Variants in PDGFRL observed in about 807,000 individuals in gnomAD.
The protein encoded by PDGFRL is platelet-derived growth factor receptor-like protein.
In PDGFRL, 46 loss-of-function variants were observed where a neutral mutation model predicts 37.2. The observed-to-expected ratio is 1.24, with a 90% CI of 0.98 to 1.58. The LOEUF (loss-of-function observed/expected upper bound fraction) is 1.58. Among genes scored for constraint, PDGFRL ranks in the 40% most tolerant of loss-of-function variants. The probability of loss-of-function intolerance (pLI) is 0.00; values close to 1 mark genes in which losing one functional copy is unlikely to be tolerated. For synonymous variants in PDGFRL, 251 were observed against 184.3 expected, an observed-to-expected ratio of 1.36 and a Z score of -2.93; for missense variants, 692 against 467.6, an observed-to-expected ratio of 1.48 and a Z score of -4.43.
chr8:17,609,651 A>T (rs965478605), intron 2 of PDGFRL, among the ~76,000 whole-genome samples: 2 of 143,242 alleles, frequency 1.4e-5, no homozygotes, highest in East Asian at 4.1e-4. Context: ...AAAAAAAAAA[A>T]AAAAAAAAAA....
intron 2 of PDGFRL, among the ~76,000 whole-genome samples, chr8:17,590,888 A>ATTTTTTTTT (rs71729974): frequency 1.4e-5 from 2 of 143,082 alleles, no homozygotes; most frequent in African/African-American, 2.6e-5. Flanking sequence ...ATTATTATTA[A>ATTTTTTTTT]TTTTTTTTTT....
chr8:17,612,238 C>T (rs527904364), intron 2 of PDGFRL, among the ~76,000 whole-genome samples: 1 of 152,368 alleles, frequency 6.6e-6, no homozygotes, highest in African/African-American at 2.4e-5. Context: ...TTTAAATACA[C>T]ATGAGCCCTT....
At chr8:17,597,301 A>G (rs2517162) in intron 2 of PDGFRL, among the ~76,000 whole-genome samples, 144,975 of 152,278 alleles carry the variant, frequency 0.95, 69,415 homozygotes, top group East Asian at 1. Flanking sequence ...GATTTCAGGC[A>G]TGAGCCTCCT....
chr8:17,609,109 T>C (rs1400032286), intron 2 of PDGFRL, among the ~76,000 whole-genome samples: 1 of 152,158 alleles, frequency 6.6e-6, no homozygotes, highest in African/African-American at 2.4e-5. Context: ...TGGTCCTGGC[T>C]GCTTGGGAGG....
At chr8:17,593,191 G>A (rs1011747986) in intron 2 of PDGFRL, among the ~76,000 whole-genome samples, 1 of 152,054 alleles carries the variant, frequency 6.6e-6, no homozygotes, top group Non-Finnish European at 1.5e-5. Flanking sequence ...CACTTGAAGT[G>A]CGTAAGGGGG....
chr8:17,636,257 T>G (rs1439447779), intron 5 of PDGFRL, among the ~76,000 whole-genome samples: 1 of 152,240 alleles, frequency 6.6e-6, no homozygotes, highest in Admixed American at 6.5e-5. Context: ...GTCTTAGATT[T>G]AAGTATTTGA....
At chr8:17,629,913 C>T (rs1454311225) in intron 4 of PDGFRL, among the ~76,000 whole-genome samples, 1 of 152,174 alleles carries the variant, frequency 6.6e-6, no homozygotes, top group East Asian at 1.9e-4. Context: ...GCCCTCCCCA[C>T]CCATGAGGCT....
chr8:17,595,400 C>T (rs1804030259), intron 2 of PDGFRL, among the ~76,000 whole-genome samples: 1 of 152,174 alleles, frequency 6.6e-6, no homozygotes, highest in African/African-American at 2.4e-5. Flanking sequence ...GGAGGACCCT[C>T]CTGTTCTCGG....
intron 5 of PDGFRL, among the ~76,000 whole-genome samples, chr8:17,636,572 T>C (rs936716463): frequency 7.4e-6 from 1 of 135,044 alleles, no homozygotes; most frequent in African/African-American, 2.8e-5. Context: ...TTTTTTTTTT[T>C]GCTTAGTCTT....
chr8:17,596,374 G>C, intron 2 of PDGFRL: 1 of 1,177,172 alleles, frequency 8.5e-7, no homozygotes. Context: ...GACCGGCCCT[G>C]CCTCCAATAC....
chr8:17,621,695 T>A (rs942224934), intron 3 of PDGFRL, among the ~76,000 whole-genome samples: 1 of 152,228 alleles, frequency 6.6e-6, no homozygotes, highest in East Asian at 1.9e-4. Flanking sequence ...AGAGAGAACA[T>A]TCCCTTTATC....
chr8:17,588,322 G>T (rs1179963031), intron 1 of PDGFRL, among the ~76,000 whole-genome samples: 1 of 151,988 alleles, frequency 6.6e-6, no homozygotes, highest in African/African-American at 2.4e-5. Context: ...CCTAGACATC[G>T]CCAGCCCCTG....
At chr8:17,590,515 T>C (rs146706528) in intron 2 of PDGFRL, among the ~76,000 whole-genome samples, 1 of 151,882 alleles carries the variant, frequency 6.6e-6, no homozygotes, top group African/African-American at 2.4e-5. Flanking sequence ...AGTTGGAGAT[T>C]AGCCTGGCCA....
intron 2 of PDGFRL, chr8:17,596,507 C>G: frequency 2.7e-6 from 1 of 365,610 alleles, no homozygotes; most frequent in East Asian, 4.0e-5. Context: ...CACAAAGCAT[C>G]TTAAGCTTAG....
intron 3 of PDGFRL, among the ~76,000 whole-genome samples, chr8:17,624,017 T>C (rs1053774747): frequency 6.6e-6 from 1 of 152,094 alleles, no homozygotes; most frequent in Admixed American, 6.6e-5. Flanking sequence ...AAAAAATAAA[T>C]GCTGTAACAC....
At chr8:17,608,651 C>A (rs1020971549) in intron 2 of PDGFRL, among the ~76,000 whole-genome samples, 2 of 152,096 alleles carry the variant, frequency 1.3e-5, no homozygotes, top group African/African-American at 4.8e-5. Flanking sequence ...TAAAGGCAGT[C>A]TACTAAGTCA....
chr8:17,586,637 A>G (rs1803823722), intron 1 of PDGFRL, among the ~76,000 whole-genome samples: 1 of 151,530 alleles, frequency 6.6e-6, no homozygotes, highest in Non-Finnish European at 1.5e-5. Context: ...ATCTCATGTG[A>G]CAACCATAAA....
chr8:17,577,307 G>A lies in PDGFRL; in HGVS notation c.55G>A (p.Val19Ile), dbSNP rs1015977050. ...LLLVHEALED[V>I]TGQHLPKNKR... ...GCTGGTGCACGAAGCGCTGGAGGAT[G>A]GTGAGTGACTCTGGGCGCGGGGCCA... The change falls in exon 1 of 6, where the codon GTT becomes ATT. Residue 19 changes from valine to isoleucine, a missense_variant and splice_region_variant. By Grantham distance (29) the Val-to-Ile change is conservative (BLOSUM62 3). Coordinates refer to ENST00000251630, the MANE Select transcript of PDGFRL (RefSeq NM_001372073.1). 2 of 1,612,134 alleles carry A rather than the reference G, an allele frequency of 1.2e-6. No homozygotes were observed. The highest frequency in any genetic ancestry group is 1.7e-5 in the Admixed American group (1 of 59,868).
At chr8:17,629,342 C>A (rs1250038377) in intron 4 of PDGFRL, among the ~76,000 whole-genome samples, 17 of 151,632 alleles carry the variant, frequency 1.1e-4, no homozygotes, top group Non-Finnish European at 2.4e-4. Context: ...CCAGCCAAAT[C>A]CTTCCATCGT....
Sources: allele counts gnomAD v4.1 joint callset (sites outside exome capture counted in the v4.1 genomes callset), GRCh38; gene constraint gnomAD v4.1.1; transcripts MANE v1.5; gene names NCBI Gene and HGNC (gene_info 2026-07-23, HGNC 2026-07-21).